The following MPP7 variants were observed in gnomAD, a reference collection of about 807,000 sequenced individuals.
MPP7 encodes the protein MAGUK p55 subfamily member 7.
MPP7 carries 60 observed loss-of-function variants against 76.5 expected under a neutral mutation model. That is an observed-to-expected ratio of 0.78 (90% CI 0.64 to 0.97). The LOEUF (loss-of-function observed/expected upper bound fraction) is 0.97, where lower values mean the gene tolerates loss of function less well. Among genes scored for constraint, MPP7 ranks in the 50% least tolerant of loss-of-function variants. MPP7 has a pLI of 0.00. For synonymous variants in MPP7, 237 were observed against 244.5 expected, an observed-to-expected ratio of 0.97 and a Z score of 0.29; for missense variants, 641 against 694.0, an observed-to-expected ratio of 0.92 and a Z score of 0.86.
At chr10:28,065,984 T>A (rs940393067) in intron 13 of MPP7, among the ~76,000 whole-genome samples, 4 of 152,222 alleles carry the variant, frequency 2.6e-5, no homozygotes, top group African/African-American at 9.6e-5. Context: ...CAAGAGACCC[T>A]TTTGACTGGT....
intron 1 of MPP7, among the ~76,000 whole-genome samples, chr10:28,255,621 G>A (rs1392215939): frequency 1.3e-5 from 2 of 151,756 alleles, no homozygotes; most frequent in Non-Finnish European, 1.5e-5. Flanking sequence ...TAGCCAGGAT[G>A]GTCTCAATCT....
chr10:28,078,405 T>G (rs1400689742), intron 12 of MPP7, among the ~76,000 whole-genome samples: 3 of 152,220 alleles, frequency 2.0e-5, no homozygotes, highest in Non-Finnish European at 4.4e-5. Context: ...CCACAGACAC[T>G]GGGCATATGT....
At chr10:28,166,393 C>T (rs1400916830) in intron 3 of MPP7, among the ~76,000 whole-genome samples, 3 of 148,586 alleles carry the variant, frequency 2.0e-5, no homozygotes, top group Non-Finnish European at 4.4e-5. Flanking sequence ...TTATTTTTTA[C>T]CTTTTAATTT....
chr10:28,165,404 T>C (rs1435254798), intron 3 of MPP7, among the ~76,000 whole-genome samples: 2 of 151,920 alleles, frequency 1.3e-5, no homozygotes, highest in South Asian at 4.2e-4. Context: ...TGCCCACCTA[T>C]AATCCCAAAT....
chr10:28,124,642 ATT>A (rs58093733), intron 7 of MPP7, among the ~76,000 whole-genome samples: 2 of 140,658 alleles, frequency 1.4e-5, no homozygotes, highest in Non-Finnish European at 1.6e-5. Context: ...CACTTGACTA[ATT>A]TTTTTTTTTT....
chr10:28,143,674 T>C (rs1328949387), intron 5 of MPP7, among the ~76,000 whole-genome samples: 1 of 143,580 alleles, frequency 7.0e-6, no homozygotes, highest in Non-Finnish European at 1.6e-5. Flanking sequence ...TTCTTATGGT[T>C]CAACTTTTTA....
intron 11 of MPP7, among the ~76,000 whole-genome samples, chr10:28,091,709 G>GATTTAACCAATT (rs773587009): frequency 7.9e-5 from 12 of 152,176 alleles, no homozygotes; most frequent in Non-Finnish European, 1.6e-4. Context: ...CATCCATGTG[G>GATTTAACCAATT]ATTTAACCAA....
intron 12 of MPP7, among the ~76,000 whole-genome samples, chr10:28,084,616 T>C (rs1449298202): frequency 6.6e-6 from 1 of 152,152 alleles, no homozygotes; most frequent in African/African-American, 2.4e-5. Context: ...CCTCCCTCTG[T>C]ATATTCTCCA....
chr10:28,089,599 G>T, intron 12 of MPP7, 72 bp downstream of exon 12: 20 of 1,382,370 alleles, frequency 1.4e-5, no homozygotes, highest in Non-Finnish European at 2.0e-5. Flanking sequence ...CTTCAAGTAT[G>T]ATTCACTTTG....
intron 1 of MPP7, among the ~76,000 whole-genome samples, chr10:28,261,136 T>C (rs1371666347): frequency 6.6e-6 from 1 of 152,234 alleles, no homozygotes; most frequent in South Asian, 2.1e-4. Flanking sequence ...TAGTTCTCTT[T>C]CCAGAATTAA....
At chr10:28,220,937 T>C (rs1838483121) in intron 2 of MPP7, among the ~76,000 whole-genome samples, 3 of 152,164 alleles carry the variant, frequency 2.0e-5, no homozygotes, top group Admixed American at 6.5e-5. Context: ...GTTAGTGGAA[T>C]TAAAAAGCAT....
chr10:28,225,702 A>G (rs1462645472), intron 2 of MPP7, among the ~76,000 whole-genome samples: 1 of 152,228 alleles, frequency 6.6e-6, no homozygotes, highest in Non-Finnish European at 1.5e-5. Context: ...GAACCCTCAC[A>G]TATTGCTGGT....
chr10:28,205,603 GA>G (rs1157843598), intron 2 of MPP7, among the ~76,000 whole-genome samples: 4 of 152,116 alleles, frequency 2.6e-5, no homozygotes, highest in African/African-American at 9.7e-5. Flanking sequence ...AAAGATCTAA[GA>G]AAAATCAGTC....
intron 1 of MPP7, among the ~76,000 whole-genome samples, chr10:28,277,842 A>G (rs1170881585): frequency 1.3e-5 from 2 of 152,080 alleles, no homozygotes; most frequent in Non-Finnish European, 2.9e-5. Context: ...TTAAAGAGGT[A>G]TTGGGATTCG....
chr10:28,133,597 C>T lies in MPP7; in HGVS notation c.316-1906G>A, dbSNP rs561575501. On this transcript the variant is annotated intron_variant, in intron 5 of 16. Coordinates refer to ENST00000683449, the MANE Select transcript of MPP7 (RefSeq NM_001318170.2). ...CAAATAGTGTCTGTTTTAAATCAAACTTTTGAATTGACTATAACATATATA... is the reference window on the plus strand; with the variant it reads ...CAAATAGTGTCTGTTTTAAATCAAATTTTTGAATTGACTATAACATATATA... Among the ~76,000 whole-genome samples the T allele has an allele frequency of 3.5e-3, 529 of 152,244 alleles. 4 individuals carry two copies. Among genetic ancestry groups the T allele is most frequent in the African/African-American group, 0.012 (511 of 41,524 alleles).
At chr10:28,148,900 C>T (rs963395399) in intron 4 of MPP7, among the ~76,000 whole-genome samples, 3 of 152,064 alleles carry the variant, frequency 2.0e-5, no homozygotes, top group South Asian at 4.1e-4. Context: ...TTAAGGCTTT[C>T]GTGCCTTACT....
chr10:28,231,526 G>T (rs1379732802), intron 2 of MPP7, among the ~76,000 whole-genome samples: 1 of 148,640 alleles, frequency 6.7e-6, no homozygotes, highest in Non-Finnish European at 1.5e-5. Flanking sequence ...AAGAGAGTGC[G>T]AAAATTACCA....
intron 1 of MPP7, among the ~76,000 whole-genome samples, chr10:28,285,412 C>T (rs1216130300): frequency 2.0e-5 from 3 of 152,000 alleles, no homozygotes; most frequent in Non-Finnish European, 4.4e-5. Flanking sequence ...CTCCAACTCC[C>T]GGCCTAAGAT....
At chr10:28,116,836 G>A (rs1834676918) in intron 11 of MPP7, among the ~76,000 whole-genome samples, 1 of 152,060 alleles carries the variant, frequency 6.6e-6, no homozygotes, top group African/African-American at 2.4e-5. Flanking sequence ...TTCTTTAGGG[G>A]AGGACATAAC....
Sources: allele counts gnomAD v4.1 joint callset (sites outside exome capture counted in the v4.1 genomes callset), GRCh38; gene constraint gnomAD v4.1.1; transcripts MANE v1.5; gene names NCBI Gene and HGNC (gene_info 2026-07-23, HGNC 2026-07-21).